The following CXADR variants were observed in gnomAD, a reference collection of about 807,000 sequenced individuals.
CXADR encodes the protein CXADR cell adhesion molecule.
Under a neutral mutation model 40.3 loss-of-function variants are expected in CXADR, and 20 were observed. That is an observed-to-expected ratio of 0.50 (90% CI 0.35 to 0.72). The LOEUF (loss-of-function observed/expected upper bound fraction) is 0.72. CXADR is among the 30% of genes least tolerant of loss of function. The probability of loss-of-function intolerance (pLI) is 0.01; values close to 1 mark genes in which losing one functional copy is unlikely to be tolerated. For synonymous variants in CXADR, 150 were observed against 161.3 expected (o/e 0.93, Z 0.53); for missense variants, 332 against 449.1 (o/e 0.74, Z 2.36).
At chr21:17,529,221 C>T (rs1300005846) in intron 1 of CXADR, among the ~76,000 whole-genome samples, 15 of 151,568 alleles carry the variant, frequency 9.9e-5, no homozygotes, top group Non-Finnish European at 1.3e-4. Flanking sequence ...GTAGTAGAGA[C>T]GTGGTTTCAC....
intron 1 of CXADR, chr21:17,518,732 C>T: frequency 6.3e-7 from 1 of 1,599,172 alleles, no homozygotes; most frequent in Non-Finnish European, 8.6e-7. Flanking sequence ...TTGGCTTCTG[C>T]ATGACCAGTA....
chr21:17,571,204 A>G (rs1470890539), downstream of CXADR, among the ~76,000 whole-genome samples: 2 of 152,226 alleles, frequency 1.3e-5, no homozygotes, highest in South Asian at 2.1e-4. Flanking sequence ...TTTAAATACC[A>G]CTTATTACTA....
chr21:17,634,836 A>G, the CXADR span, among the ~76,000 whole-genome samples: 24 of 152,142 alleles, frequency 1.6e-4, no homozygotes, highest in Non-Finnish European at 2.4e-4. Flanking sequence ...GTACACTGCA[A>G]CCCTGAACTC....
the CXADR span, among the ~76,000 whole-genome samples, chr21:17,625,542 G>A: frequency 6.6e-6 from 1 of 152,044 alleles, no homozygotes; most frequent in South Asian, 2.1e-4. Flanking sequence ...AAGTAGTTTG[G>A]CATTACTGTC....
chr21:17,573,012 A>C (rs961778932), downstream of CXADR, among the ~76,000 whole-genome samples: 1 of 152,158 alleles, frequency 6.6e-6, no homozygotes, highest in Non-Finnish European at 1.5e-5. Flanking sequence ...TTGCTTGAAG[A>C]ACAGAAATGT....
chr21:17,609,169 T>C, the CXADR span: 6 of 1,596,336 alleles, frequency 3.8e-6, no homozygotes, highest in Middle Eastern at 1.8e-4. Flanking sequence ...AGATAAAACA[T>C]GTTTTCTCAG....
chr21:17,539,068 C>G (rs1322240742), intron 1 of CXADR, among the ~76,000 whole-genome samples: 1 of 152,138 alleles, frequency 6.6e-6, no homozygotes, highest in African/African-American at 2.4e-5. Flanking sequence ...CAGGTTTGTG[C>G]AGATGATTGG....
At chr21:17,557,321 C>CA (rs1266517694) in intron 3 of CXADR, among the ~76,000 whole-genome samples, 2 of 152,176 alleles carry the variant, frequency 1.3e-5, no homozygotes, top group Non-Finnish European at 2.9e-5. Flanking sequence ...CTGGAATACT[C>CA]AATTACTAAA....
chr21:17,575,293 C>A (rs2061313062), intron 7 of CXADR, among the ~76,000 whole-genome samples: 2 of 151,984 alleles, frequency 1.3e-5, no homozygotes, highest in African/African-American at 4.8e-5. Context: ...CAGCAATACT[C>A]CTGCCTCAGC....
downstream of CXADR, among the ~76,000 whole-genome samples, chr21:17,573,161 A>G (rs1045048920): frequency 3.3e-5 from 5 of 152,040 alleles, no homozygotes; most frequent in East Asian, 1.9e-4. Flanking sequence ...TCTTCCCTCT[A>G]TGCATGTCTA....
chr21:17,555,973 C>A (rs567982204), intron 3 of CXADR, among the ~76,000 whole-genome samples: 1 of 152,230 alleles, frequency 6.6e-6, no homozygotes, highest in East Asian at 1.9e-4. Context: ...ACTGGTGCAG[C>A]CACTAGCAGG....
At chr21:17,580,927 C>A (rs1311023150) in intron 7 of CXADR, among the ~76,000 whole-genome samples, 1 of 152,024 alleles carries the variant, frequency 6.6e-6, no homozygotes, top group East Asian at 1.9e-4. Flanking sequence ...ATCTTTAATT[C>A]TTTTGTAGGG....
chr21:17,523,874 T>C (rs2060561186), intron 1 of CXADR, among the ~76,000 whole-genome samples: 1 of 152,094 alleles, frequency 6.6e-6, no homozygotes, highest in African/African-American at 2.4e-5. Context: ...TCTTTTTCTT[T>C]TTTAAACAGA....
chr21:17,582,783 A>G (rs777439811), intron 7 of CXADR, among the ~76,000 whole-genome samples: 1 of 152,258 alleles, frequency 6.6e-6, no homozygotes, highest in African/African-American at 2.4e-5. Flanking sequence ...TGGAATCAGC[A>G]CAAACTAATG....
chr21:17,629,881 T>C, the CXADR span, among the ~76,000 whole-genome samples: 1 of 152,074 alleles, frequency 6.6e-6, no homozygotes, highest in South Asian at 2.1e-4. Context: ...ACTCTGCCTG[T>C]GGAGAAAGGT....
chr21:17,572,226 G>A (rs185058841), downstream of CXADR, among the ~76,000 whole-genome samples: 1 of 139,114 alleles, frequency 7.2e-6, no homozygotes, highest in African/African-American at 2.6e-5. Context: ...AAAAAATTAG[G>A]CAGGCGTGGT....
intron 7 of CXADR, among the ~76,000 whole-genome samples, chr21:17,584,168 G>A (rs552405731): frequency 5.3e-5 from 8 of 152,336 alleles, no homozygotes; most frequent in South Asian, 2.1e-4. Context: ...GGACTCTGGA[G>A]TTAGAGGTTA....
chr21:17,632,777 G>A, the CXADR span, among the ~76,000 whole-genome samples: 1 of 152,164 alleles, frequency 6.6e-6, no homozygotes, highest in East Asian at 1.9e-4. Context: ...GCCGAGGCAG[G>A]AGAATGACAT....
At chr21:17,564,224 G>A (rs9981131) in intron 6 of CXADR, among the ~76,000 whole-genome samples, 14,434 of 150,998 alleles carry the variant, frequency 0.096, 2,241 homozygotes, top group African/African-American at 0.33. Context: ...CAGGCGCAGT[G>A]ACTCACGCCT....
Sources: allele counts gnomAD v4.1 joint callset (sites outside exome capture counted in the v4.1 genomes callset), GRCh38; gene constraint gnomAD v4.1.1; transcripts MANE v1.5; gene names NCBI Gene and HGNC (gene_info 2026-07-23, HGNC 2026-07-21).